The following KCNG2 variants were observed in gnomAD, a reference collection of about 807,000 sequenced individuals.
The protein encoded by KCNG2 is voltage-gated potassium channel regulatory subunit KCNG2.
KCNG2 carries 7 observed loss-of-function variants against 12.3 expected under a neutral mutation model. The observed-to-expected ratio is 0.57, with a 90% confidence interval of 0.32 to 1.07. The LOEUF (loss-of-function observed/expected upper bound fraction) is 1.07. KCNG2 is among the 50% of genes least tolerant of loss of function. The pLI, the probability that KCNG2 is intolerant of heterozygous loss-of-function variation, is 0.04. For missense variants in KCNG2, 703 were observed against 726.0 expected, an observed-to-expected ratio of 0.97 and a Z score of 0.36; for synonymous variants, 414 against 351.4, an observed-to-expected ratio of 1.18 and a Z score of -1.99.
At chr18:79,810,999 T>C (rs913175427) in intron 1 of KCNG2, among the ~76,000 whole-genome samples, 1 of 152,066 alleles carries the variant, frequency 6.6e-6, no homozygotes, top group African/African-American at 2.4e-5. Flanking sequence ...TCAAAAAGAG[T>C]AAAACCCCTA....
At chr18:79,807,298 C>T (rs757637291) in intron 1 of KCNG2, among the ~76,000 whole-genome samples, 4 of 152,138 alleles carry the variant, frequency 2.6e-5, no homozygotes, top group South Asian at 4.1e-4. Flanking sequence ...TGAGCCTGTT[C>T]GTGTTGGGGT....
chr18:79,863,542 G>T, intron 2 of KCNG2, 86 bp from the exon 3 acceptor site: 1 of 1,057,814 alleles, frequency 9.5e-7, no homozygotes, highest in Non-Finnish European at 1.2e-6. Context: ...AGGGTTCGGT[G>T]CCGGCCCGGC....
In KCNG2 at chr18:79,864,022, TGCCTGCGCC is replaced by T. The variant is rs756626447; in HGVS notation, c.368_376del (p.Leu123_Arg125del). On this transcript the variant is annotated inframe_deletion, in exon 3 of 4. Transcript: ENST00000316249. ...CGACGAGGCGCGCCTGGAGCGCTGC[TGCCTGCGCC>T]GCCTGCGCCGCCGCGAGGAGGAGGC... The T allele has an allele frequency of 5.8e-5, 67 of 1,160,442 alleles. No homozygotes were observed. Among genetic ancestry groups the T allele is most frequent in the Middle Eastern group, 3.0e-4 (1 of 3,340 alleles). 71.9% of individuals were successfully genotyped at this position (1,160,442 alleles called of 1,614,324 possible).
chr18:79,857,972 C>T (rs1979078411), intron 2 of KCNG2, among the ~76,000 whole-genome samples: 1 of 152,110 alleles, frequency 6.6e-6, no homozygotes, highest in African/African-American at 2.4e-5. Context: ...CTTTCTGTCT[C>T]TGTGAATTTA....
In KCNG2 at chr18:79,899,924, G is replaced by A; in HGVS notation, c.*108G>A. The A allele has an allele frequency of 2.8e-6, 3 of 1,061,484 alleles. No homozygotes were observed. The highest frequency in any genetic ancestry group is 8.7e-5 in the Admixed American group (2 of 22,858). 65.8% of individuals were successfully genotyped at this position (1,061,484 alleles called of 1,614,324 possible). A position where few individuals can be genotyped will look rare whatever the true frequency, so the allele number is the denominator to read the frequency against. On this transcript the variant is annotated 3_prime_UTR_variant, in exon 4 of 4. Transcript: ENST00000316249. ...CGTCTGGCCTGGGGGAGCGGCTCCT[G>A]CCGGCCGCGTCCTCGGCCCTCGTGC...
At chr18:79,898,624 G>A (rs1006167934) in intron 3 of KCNG2, among the ~76,000 whole-genome samples, 7 of 152,204 alleles carry the variant, frequency 4.6e-5, no homozygotes, top group African/African-American at 1.7e-4. Flanking sequence ...TCCACGTGGC[G>A]TCTCCCCCTG....
intron 2 of KCNG2, among the ~76,000 whole-genome samples, 38 bp downstream of exon 2, chr18:79,856,490 A>G (rs1979013850): frequency 6.6e-6 from 1 of 152,148 alleles, no homozygotes; most frequent in Non-Finnish European, 1.5e-5. Flanking sequence ...AGAAACCTCA[A>G]GTCGTACTGG....
At chr18:79,806,945 C>A (rs897224745) in intron 1 of KCNG2, among the ~76,000 whole-genome samples, 1 of 152,166 alleles carries the variant, frequency 6.6e-6, no homozygotes, top group Non-Finnish European at 1.5e-5. Context: ...ACTCATGGAT[C>A]TAGGGTCTGT....
chr18:79,829,549 C>T (rs550002562), intron 1 of KCNG2, among the ~76,000 whole-genome samples: 2 of 152,282 alleles, frequency 1.3e-5, no homozygotes, highest in African/African-American at 4.8e-5. Context: ...TGGGTCTCTG[C>T]CTCACATCGG....
chr18:79,860,280 A>G (rs1979164735), intron 2 of KCNG2, among the ~76,000 whole-genome samples: 1 of 152,234 alleles, frequency 6.6e-6, no homozygotes, highest in Non-Finnish European at 1.5e-5. Context: ...TCAACTTGTC[A>G]ATAGAATGTT....
In KCNG2 at chr18:79,803,926, C is replaced by G. The variant is rs996136504; in HGVS notation, c.-115+5912C>G. The stretch of plus-strand genomic sequence containing the variant: ...ATCAGAATCTTAGGCCTGGCCTGGC[C>G]GTGTCACTCCTATCTCACCTTCAGG... On this transcript the variant is annotated intron_variant, in intron 1 of 3. Transcript: ENST00000316249. This position sits in a 1 kb window ranked among gnomAD's most constrained non-coding sequence, Gnocchi z 4.5. Among the ~76,000 whole-genome samples, 1 of 152,220 alleles carries G rather than the reference C, an allele frequency of 6.6e-6. No homozygotes were observed. Among genetic ancestry groups the G allele is most frequent in the Non-Finnish European group, 1.5e-5 (1 of 68,038 alleles).
chr18:79,837,974 G>T (rs1978352677), intron 1 of KCNG2, among the ~76,000 whole-genome samples: 1 of 152,180 alleles, frequency 6.6e-6, no homozygotes, highest in African/African-American at 2.4e-5. Context: ...CCACATGGCT[G>T]GGGAGGCCTC....
intron 2 of KCNG2, among the ~76,000 whole-genome samples, chr18:79,858,841 C>T (rs537595172): frequency 6.6e-6 from 1 of 152,236 alleles, no homozygotes; most frequent in African/African-American, 2.4e-5. Context: ...GATCACCTTT[C>T]ATGTGCTTAT....
chr18:79,843,018 T>C (rs1978511047), intron 1 of KCNG2, among the ~76,000 whole-genome samples: 1 of 152,114 alleles, frequency 6.6e-6, no homozygotes, highest in African/African-American at 2.4e-5. Context: ...GAACCCCAAA[T>C]AGATTAAACA....
At chr18:79,859,805 T>C (rs1979148400) in intron 2 of KCNG2, among the ~76,000 whole-genome samples, 1 of 152,238 alleles carries the variant, frequency 6.6e-6, no homozygotes, top group Admixed American at 6.5e-5. Context: ...TTCTGGACTT[T>C]CAATTCTGCT....
chr18:79,883,756 C>T (rs962444526), intron 3 of KCNG2, among the ~76,000 whole-genome samples: 2 of 152,250 alleles, frequency 1.3e-5, no homozygotes, highest in Admixed American at 6.5e-5. Flanking sequence ...TGTTCCACTT[C>T]CAGGTACCCT....
chr18:79,885,709 G>A (rs1031305608), intron 3 of KCNG2, among the ~76,000 whole-genome samples: 1 of 152,242 alleles, frequency 6.6e-6, no homozygotes, highest in Non-Finnish European at 1.5e-5. Flanking sequence ...CCTGCCCAGG[G>A]GACATGGGAT....
At chr18:79,804,475 G>T (rs2087434228) in intron 1 of KCNG2, among the ~76,000 whole-genome samples, 1 of 152,244 alleles carries the variant, frequency 6.6e-6, no homozygotes, top group Non-Finnish European at 1.5e-5. Context: ...ACAGGCTGTG[G>T]CTGTGGGGGG....
intron 1 of KCNG2, among the ~76,000 whole-genome samples, chr18:79,846,374 CAA>C (rs11421957): frequency 1.6e-4 from 10 of 61,578 alleles, no homozygotes; most frequent in African/African-American, 7.2e-4. Flanking sequence ...GACTCCGTCT[CAA>C]AAAAAAAAAA....
Sources: allele counts gnomAD v4.1 joint callset (sites outside exome capture counted in the v4.1 genomes callset), GRCh38; gene constraint gnomAD v4.1.1; non-coding constraint Gnocchi (gnomAD v3.1); transcripts MANE v1.5; gene names NCBI Gene and HGNC (gene_info 2026-07-23, HGNC 2026-07-21).